MYH14: variants seen among roughly 807,000 people sequenced by gnomAD.
The protein encoded by MYH14 is myosin-14.
In MYH14, 123 loss-of-function variants were observed where a neutral mutation model predicts 255.5. The ratio of observed to expected loss-of-function variants is 0.48; its 90% CI spans 0.42 to 0.56. The LOEUF is 0.56. Among genes scored for constraint, MYH14 ranks in the 20% least tolerant of loss-of-function variants. The probability of loss-of-function intolerance (pLI) is 0.00; values close to 1 mark genes in which losing one functional copy is unlikely to be tolerated. For missense variants in MYH14, 2,423 were observed against 2,802.3 expected, an observed-to-expected ratio of 0.86 and a Z score of 3.06; for synonymous variants, 1,095 against 1,161.2, an observed-to-expected ratio of 0.94 and a Z score of 1.16.
rs147353623 is a variant in MYH14, at chr19:50,272,155, T to G, written c.3295+183T>G. 2.7e-3 allele frequency among the ~76,000 whole-genome samples: 418 copies of G among 152,288 alleles called. 3 individuals carry two copies. Among genetic ancestry groups the G allele is most frequent in the Non-Finnish European group, 4.6e-3 (316 of 68,024 alleles). On this transcript the variant is annotated intron_variant, in intron 26 of 42. Transcript: ENST00000642316. ...AATGCATCTCTAAATCCAACTCTCTTTCTCTCCTTGGTGTCTTGGGTTGTC... is the reference window on the plus strand; with the variant it reads ...AATGCATCTCTAAATCCAACTCTCTGTCTCTCCTTGGTGTCTTGGGTTGTC...
intron 39 of MYH14, among the ~76,000 whole-genome samples, chr19:50,297,719 C>T (rs1003877095): frequency 6.6e-6 from 1 of 151,598 alleles, no homozygotes; most frequent in South Asian, 2.1e-4. Flanking sequence ...AGGCTGGTCT[C>T]GAACTCCTGA....
At chr19:50,283,674 T>A (rs2035796918) in intron 33 of MYH14, among the ~76,000 whole-genome samples, 1 of 152,266 alleles carries the variant, frequency 6.6e-6, no homozygotes, top group Non-Finnish European at 1.5e-5. Flanking sequence ...CATCTTTTCA[T>A]ATGCTTATTT....
intron 34 of MYH14, among the ~76,000 whole-genome samples, chr19:50,288,456 A>G (rs2035963771): frequency 6.6e-6 from 1 of 152,196 alleles, no homozygotes; most frequent in African/African-American, 2.4e-5. Flanking sequence ...CTTGGGAAAA[A>G]TGTCAGGTTA....
chr19:50,304,063 G>A (rs2036578517), intron 40 of MYH14, among the ~76,000 whole-genome samples: 1 of 152,122 alleles, frequency 6.6e-6, no homozygotes, highest in Non-Finnish European at 1.5e-5. Flanking sequence ...TCAGGTGTTG[G>A]ACTACTTGTA....
intron 24 of MYH14, among the ~76,000 whole-genome samples, 151 bp downstream of exon 24, chr19:50,268,518 C>T (rs962015551): frequency 6.6e-6 from 1 of 152,266 alleles, no homozygotes; most frequent in African/African-American, 2.4e-5. Context: ...ATTTTTGATT[C>T]AGATCGCGGG....
At chr19:50,237,357 T>C (rs599766) in intron 10 of MYH14, among the ~76,000 whole-genome samples, 145,144 of 150,668 alleles carry the variant, frequency 0.96, 69,964 homozygotes, top group African/African-American at 0.99. Context: ...CAGAGTCTCG[T>C]TCTGTCACCT....
chr19:50,308,173 G>C (rs1486892393), intron 41 of MYH14: 1 of 152,214 alleles, frequency 6.6e-6, no homozygotes, highest in Non-Finnish European at 1.5e-5. Context: ...CCTGAAGGGT[G>C]AAAAAGAGCC....
chr19:50,233,709 G>A (rs1349253508), intron 10 of MYH14, among the ~76,000 whole-genome samples: 2 of 151,960 alleles, frequency 1.3e-5, no homozygotes, highest in Non-Finnish European at 2.9e-5. Flanking sequence ...GGCAATCTTC[G>A]GCGTTCCCTG....
At position 50,290,873 on chromosome 19, in the gene MYH14, G is replaced by A. The variant is rs1446153920; in HGVS notation, c.4966-14G>A. ...TCCTGTGTCTGACCCGGTCCCTCCTGACCTCCTCTCCAGCTGAGAGATGCA... is the reference window on the plus strand; with the variant it reads ...TCCTGTGTCTGACCCGGTCCCTCCTAACCTCCTCTCCAGCTGAGAGATGCA... On this transcript the variant is annotated splice_polypyrimidine_tract_variant and intron_variant, in intron 35 of 42. Coordinates refer to ENST00000642316, the MANE Select transcript of MYH14 (RefSeq NM_001145809.2). 6.4e-7 allele frequency: 1 copy of A among 1,551,488 alleles called. No homozygotes were observed. The highest frequency in any genetic ancestry group is 8.7e-7 in the Non-Finnish European group (1 of 1,148,200).
intron 16 of MYH14, among the ~76,000 whole-genome samples, chr19:50,253,005 C>T (rs956496956): frequency 5.3e-5 from 8 of 152,176 alleles, no homozygotes; most frequent in African/African-American, 1.4e-4. Context: ...TAATCAGAAA[C>T]GTGGCAAAGA....
chr19:50,249,741 A>G lies in MYH14; in HGVS notation c.1574A>G (p.Glu525Gly). The G allele has an allele frequency of 1.2e-6, 2 of 1,614,152 alleles. No homozygotes were observed. Among genetic ancestry groups the G allele is most frequent in the Non-Finnish European group, 1.7e-6 (2 of 1,180,036 alleles). ...NHTMFVLEQE[E>G]YQREGIPWTF... ...ACCATGTTCGTGCTGGAGCAGGAGGAGTACCAGCGTGAGGGCATCCCCTGG... is the reference window on the plus strand; with the variant it reads ...ACCATGTTCGTGCTGGAGCAGGAGGGGTACCAGCGTGAGGGCATCCCCTGG... The change falls in exon 14 of 43, where the codon GAG becomes GGG. Residue 525 changes from glutamate to glycine, a missense_variant. By Grantham distance (98) the Glu-to-Gly change is moderately conservative. This residue lies in a region of MYH14 where 672 missense variants were observed against 881.8 expected (regional missense o/e 0.76). Coordinates refer to ENST00000642316, the MANE Select transcript of MYH14 (RefSeq NM_001145809.2).
chr19:50,266,401 G>A lies in MYH14; in HGVS notation c.2695-476G>A, dbSNP rs3929076. On this transcript the variant is annotated intron_variant, in intron 22 of 42. Coordinates refer to ENST00000642316, the MANE Select transcript of MYH14 (RefSeq NM_001145809.2). The surrounding 1 kb of genome is among the most constrained non-coding windows in gnomAD (Gnocchi z 4.1). ...CATAGCGAAACCCTCTCTACTGAAA[G>A]CACAAAAATTAGCCGGACGTGGTGG... Among the ~76,000 whole-genome samples, 69,447 of 151,970 alleles carry A rather than the reference G, an allele frequency of 0.46. 16,311 individuals are homozygous for A. Among genetic ancestry groups the A allele is most frequent in the East Asian group, 0.65 (3,348 of 5,144 alleles).
intron 1 of MYH14, among the ~76,000 whole-genome samples, chr19:50,206,225 G>A (rs987249679): frequency 2.0e-5 from 3 of 151,890 alleles, no homozygotes; most frequent in African/African-American, 7.3e-5. Flanking sequence ...GGGGGCTGGG[G>A]GCTCAGACTC....
chr19:50,218,368 A>C (rs1203443678), intron 3 of MYH14, among the ~76,000 whole-genome samples: 3 of 151,454 alleles, frequency 2.0e-5, no homozygotes, highest in Non-Finnish European at 4.4e-5. Context: ...AGGCTGAGGC[A>C]GGCGGATCAC....
rs1004974109 is a variant in MYH14 at position 50,230,007 on chromosome 19, C to T, written c.875-518C>T. ...TCGGCTCACTGCAACCTCCTCCTCC[C>T]GGGTTCAAGCGATTCTCCTGCCTCA... On this transcript the variant is annotated intron_variant, in intron 8 of 42. Coordinates refer to ENST00000642316, the MANE Select transcript of MYH14 (RefSeq NM_001145809.2). This position sits in a 1 kb window ranked among gnomAD's most constrained non-coding sequence, Gnocchi z 4.7. 5.3e-5 allele frequency among the ~76,000 whole-genome samples: 8 copies of T among 152,146 alleles called. No individual in the cohort carries two copies. The highest frequency in any genetic ancestry group is 4.1e-4 in the South Asian group (2 of 4,822).
intron 39 of MYH14, among the ~76,000 whole-genome samples, chr19:50,295,026 T>TAAAAA (rs373838791): frequency 5.4e-4 from 77 of 141,874 alleles, no homozygotes; most frequent in African/African-American, 1.4e-3. Context: ...TTTTTTTTTT[T>TAAAAA]AAAAACAGGC....
Position 50,246,857 on chromosome 19 carries a change from A to G in MYH14, c.1211-147A>G. The G allele has an allele frequency of 1.0e-5, 6 of 602,528 alleles. No individual in the cohort carries two copies. In the South Asian group the frequency reaches 1.2e-4, roughly 12 times the overall value. 37.3% of individuals were successfully genotyped at this position (602,528 alleles called of 1,614,324 possible). ...AAATAGTTGGGCAGAGAATGTACAC[A>G]CTTTTGGGACTCGTAATGCCTCTCC... On this transcript the variant is annotated intron_variant, in intron 11 of 42. Transcript: ENST00000642316.
At chr19:50,307,370 A>G (rs571518130) in intron 41 of MYH14, among the ~76,000 whole-genome samples, 19 of 152,306 alleles carry the variant, frequency 1.2e-4, no homozygotes, top group African/African-American at 4.6e-4. Context: ...GCATCTAGAA[A>G]GGGCCCTGTA....
At chr19:50,231,883 A>G in intron 9 of MYH14, 47 bp from the exon 10 acceptor site, 1 of 1,609,196 alleles carries the variant, frequency 6.2e-7, no homozygotes, top group Non-Finnish European at 8.5e-7. Flanking sequence ...GATGAGTCTG[A>G]CTGCACAGCC....
Sources: allele counts gnomAD v4.1 joint callset (sites outside exome capture counted in the v4.1 genomes callset), GRCh38; gene constraint gnomAD v4.1.1; regional missense constraint gnomAD v4.1.1; non-coding constraint Gnocchi (gnomAD v3.1); transcripts MANE v1.5; gene names NCBI Gene and HGNC (gene_info 2026-07-23, HGNC 2026-07-21).